The following SCUBE3 variants were observed in gnomAD, a reference collection of about 807,000 sequenced individuals.
The protein encoded by SCUBE3 is signal peptide, CUB domain and EGF like domain containing 3, also known as signal peptide, CUB and EGF-like domain-containing protein 3.
SCUBE3 carries 33 observed loss-of-function variants against 116.8 expected under a neutral mutation model. The observed-to-expected ratio is 0.28, with a 90% CI of 0.21 to 0.38. The LOEUF (loss-of-function observed/expected upper bound fraction) is 0.38. Ranked by LOEUF, SCUBE3 falls within the 10% of genes least tolerant of loss-of-function variation. The probability of loss-of-function intolerance (pLI) is 1.00; values close to 1 mark genes in which losing one functional copy is unlikely to be tolerated. For synonymous variants in SCUBE3, 418 were observed against 496.9 expected (o/e 0.84, Z 2.11); for missense variants, 1,007 against 1,324.8 (o/e 0.76, Z 3.72).
In SCUBE3 at chr6:35,214,427, G is replaced by C. The variant is rs1313706133; in HGVS notation, c.9G>C (p.Ser3=). MG[S]GRVPGLCLLV... ...CGCCAGTAGCTCCAGCCATGGGCTC[G>C]GGGCGCGTACCCGGGCTCTGCCTGC... The change falls in exon 1 of 22, where the codon TCG becomes TCC. Residue 3 remains serine, a synonymous_variant. Transcript: ENST00000274938. This position sits in a 1 kb window ranked among gnomAD's most constrained non-coding sequence, Gnocchi z 6.3. 1 of 1,469,392 alleles carries C rather than the reference G, an allele frequency of 6.8e-7. No homozygotes were observed. The highest frequency in any genetic ancestry group is 2.9e-5 in the East Asian group (1 of 34,012). 91.0% of individuals were successfully genotyped at this position (1,469,392 alleles called of 1,614,324 possible). A position where few individuals can be genotyped will look rare whatever the true frequency, so the allele number is the denominator to read the frequency against.
rs1784233154 is a variant in SCUBE3 at position 35,244,289 on chromosome 6, C to T, written c.2239+159C>T. The stretch of plus-strand genomic sequence containing the variant: ...ATACCATCCTGCTTCCAGGACCCAC[C>T]CTGCCCCTCCACTAGTCCCAAGCTT... On this transcript the variant is annotated intron_variant, in intron 17 of 21. Transcript: ENST00000274938. This position sits in a 1 kb window ranked among gnomAD's most constrained non-coding sequence, Gnocchi z 4.3. Among the ~76,000 whole-genome samples the T allele has an allele frequency of 6.6e-6, 1 of 152,198 alleles. No individual in the cohort carries two copies. The highest frequency in any genetic ancestry group is 6.5e-5 in the Admixed American group (1 of 15,288).
chr6:35,235,083 G>C lies in SCUBE3; in HGVS notation c.712+1782G>C, dbSNP rs1318686668. ...CAGATTCGGTGGGAAGACTGAGAAG[G>C]CAGTATAGTTTAGCAGAAAGGGCGG... On this transcript the variant is annotated intron_variant, in intron 6 of 21. Coordinates refer to ENST00000274938, the MANE Select transcript of SCUBE3 (RefSeq NM_152753.4). This position sits in a 1 kb window ranked among gnomAD's most constrained non-coding sequence, Gnocchi z 4.5. 1.3e-5 allele frequency among the ~76,000 whole-genome samples: 2 copies of C among 152,204 alleles called. No homozygotes were observed. The highest frequency in any genetic ancestry group is 4.8e-5 in the African/African-American group (2 of 41,448).
At chr6:35,246,747 G>T (rs563278649) in intron 21 of SCUBE3, among the ~76,000 whole-genome samples, 3 of 152,322 alleles carry the variant, frequency 2.0e-5, no homozygotes, top group African/African-American at 7.2e-5. Context: ...AGGCCGAGGC[G>T]GGTGGATCAC....
Position 35,245,792 on chromosome 6 carries a change from G to T in SCUBE3, c.2600-152G>T, listed in dbSNP as rs1039945605. 35 of 802,696 alleles carry T rather than the reference G, an allele frequency of 4.4e-5. No individual in the cohort carries two copies. Among genetic ancestry groups the T allele is most frequent in the Non-Finnish European group, 6.3e-5 (31 of 491,380 alleles). The allele number at this position is 802,696 out of a possible 1,614,324, so 49.7% of individuals were successfully genotyped here. A position where few individuals can be genotyped will look rare whatever the true frequency, so the allele number is the denominator to read the frequency against. On this transcript the variant is annotated intron_variant, in intron 19 of 21. Transcript: ENST00000274938. The surrounding 1 kb of genome is among the most constrained non-coding windows in gnomAD (Gnocchi z 4.2). ...TGAGCCCAGTGGGCAATGGGAGAGG[G>T]TGTGGGGTAGGGTGTGTGTATGCGA...
In SCUBE3 at chr6:35,232,871, A is replaced by G; in HGVS notation, c.491A>G (p.Lys164Arg). ...RPEEGMNCMN[K>R]NHGCAHICRE... ...TTAGAAGGAATGAATTGCATGAACA[A>G]GAACCACGGCTGTGCCCACATTTGC... is the stretch of plus-strand genomic sequence containing the variant. The change falls in exon 5 of 22, where the codon AAG becomes AGG. Residue 164 changes from lysine to arginine, a missense_variant. Physicochemically the swap from Lys to Arg is conservative, Grantham distance 26. Around this residue, in one of 5 missense-constraint regions of SCUBE3, gnomAD observed 214 missense variants for 316.7 expected, o/e 0.68. Coordinates refer to ENST00000274938, the MANE Select transcript of SCUBE3 (RefSeq NM_152753.4). The surrounding 1 kb of genome is among the most constrained non-coding windows in gnomAD (Gnocchi z 4.2). 1 of 1,614,182 alleles carries G rather than the reference A, an allele frequency of 6.2e-7. No individual in the cohort carries two copies. Among genetic ancestry groups the G allele is most frequent in the Non-Finnish European group, 8.5e-7 (1 of 1,180,002 alleles).
intron 6 of SCUBE3, among the ~76,000 whole-genome samples, chr6:35,237,435 C>A (rs183990402): frequency 6.6e-6 from 1 of 152,250 alleles, no homozygotes; most frequent in East Asian, 1.9e-4. Flanking sequence ...CTCATTCTTT[C>A]CAATCCACTT....
intron 21 of SCUBE3, among the ~76,000 whole-genome samples, chr6:35,247,252 T>G (rs1293773899): frequency 6.6e-6 from 1 of 151,790 alleles, no homozygotes; most frequent in Non-Finnish European, 1.5e-5. Context: ...CTGGCCAACA[T>G]AGTGAAACCC....
intron 7 of SCUBE3, 61 bp downstream of exon 7, chr6:35,238,079 A>C: frequency 1.0e-6 from 1 of 958,276 alleles, no homozygotes; most frequent in Non-Finnish European, 1.7e-6. Context: ...GGTTGGGACC[A>C]GAGATAGGGT....
rs190979096 is a variant in SCUBE3, at chr6:35,237,683, C to T, written c.713-219C>T. On this transcript the variant is annotated intron_variant, in intron 6 of 21. Transcript: ENST00000274938. ...CACCTTGTTTCAATCAAGTAGGGGG[C>T]AGGGAAGTGGACTGCTTGGCTGTAC... 2.5e-3 allele frequency among the ~76,000 whole-genome samples: 378 copies of T among 152,206 alleles called. 7 individuals are homozygous for T. Among genetic ancestry groups the T allele is most frequent in the Admixed American group, 2.6e-3 (40 of 15,290 alleles).
intron 13 of SCUBE3, 32 bp from the exon 14 acceptor site, chr6:35,242,590 T>TG: frequency 6.3e-7 from 1 of 1,588,018 alleles, no homozygotes; most frequent in Non-Finnish European, 8.6e-7. Flanking sequence ...TTCCAGGGGA[T>TG]GTCCCTGGGG....
rs1375001180 is a variant in SCUBE3, at chr6:35,245,452, G to A, written c.2599+27G>A. ...TGGGTGGCTTGCAGAGCTGGGCCAG[G>A]GAAGGGCAGTCCAAATCTGGTTAAG... On this transcript the variant is annotated intron_variant, in intron 19 of 21. Coordinates refer to ENST00000274938, the MANE Select transcript of SCUBE3 (RefSeq NM_152753.4). This position sits in a 1 kb window ranked among gnomAD's most constrained non-coding sequence, Gnocchi z 4.2. The A allele has an allele frequency of 2.5e-6, 4 of 1,593,038 alleles. No individual in the cohort carries two copies. Among genetic ancestry groups the A allele is most frequent in the Non-Finnish European group, 3.4e-6 (4 of 1,160,930 alleles).
chr6:35,227,433 G>A, intron 1 of SCUBE3, 147 bp from the exon 2 acceptor site: 1 of 758,660 alleles, frequency 1.3e-6, no homozygotes, highest in Admixed American at 2.4e-5. Context: ...TCTGAAATCA[G>A]AGAGATGTGA....
Position 35,228,787 on chromosome 6 carries a change from G to T in SCUBE3, c.334+48G>T. 6.3e-7 allele frequency: 1 copy of T among 1,594,588 alleles called. No individual in the cohort carries two copies. Among genetic ancestry groups the T allele is most frequent in the Admixed American group, 1.7e-5 (1 of 59,928 alleles). The stretch of plus-strand genomic sequence containing the variant: ...GGTGGAGGGATGTCTTGTGGAGAAA[G>T]AGATCTTTTCAGCATTTCCTATTTC... On this transcript the variant is annotated intron_variant, in intron 3 of 21. Transcript: ENST00000274938. This position sits in a 1 kb window ranked among gnomAD's most constrained non-coding sequence, Gnocchi z 4.9.
intron 3 of SCUBE3, among the ~76,000 whole-genome samples, chr6:35,230,465 G>A (rs1780183961): frequency 6.6e-6 from 1 of 152,198 alleles, no homozygotes; most frequent in Non-Finnish European, 1.5e-5. Flanking sequence ...TTTTGAGAAA[G>A]TTGTCCATGC....
rs1487555851 is a variant in SCUBE3, at chr6:35,228,141, A to G, written c.208+439A>G. On this transcript the variant is annotated intron_variant, in intron 2 of 21. Coordinates refer to ENST00000274938, the MANE Select transcript of SCUBE3 (RefSeq NM_152753.4). This position sits in a 1 kb window ranked among gnomAD's most constrained non-coding sequence, Gnocchi z 4.9. ...AAAGTAGCCTTGAGATATTAAATTT[A>G]TGAGCTTCAGTGTTGGTGAGACTTT... 1.3e-5 allele frequency among the ~76,000 whole-genome samples: 2 copies of G among 152,254 alleles called. No homozygotes were observed. Among genetic ancestry groups the G allele is most frequent in the Non-Finnish European group, 2.9e-5 (2 of 68,034 alleles).
rs552313590 is a variant in SCUBE3, at chr6:35,214,787, G to A, written c.85+284G>A. Among the ~76,000 whole-genome samples, 2 of 152,320 alleles carry A rather than the reference G, an allele frequency of 1.3e-5. No homozygotes were observed. Among genetic ancestry groups the A allele is most frequent in the South Asian group, 4.1e-4 (2 of 4,826 alleles). ...TTCCGCTCGACTTCATCCACTCCCA[G>A]CATCTTCGAAAGACTTCTTGTCTTC... is the stretch of plus-strand genomic sequence containing the variant. On this transcript the variant is annotated intron_variant, in intron 1 of 21. Coordinates refer to ENST00000274938, the MANE Select transcript of SCUBE3 (RefSeq NM_152753.4). The surrounding 1 kb of genome is among the most constrained non-coding windows in gnomAD (Gnocchi z 6.3).
At chr6:35,229,643 A>G (rs1450447664) in intron 3 of SCUBE3, among the ~76,000 whole-genome samples, 2 of 152,018 alleles carry the variant, frequency 1.3e-5, no homozygotes, top group African/African-American at 4.8e-5. Flanking sequence ...CCCTCTCCTC[A>G]CTGATCTCCT....
intron 6 of SCUBE3, among the ~76,000 whole-genome samples, chr6:35,234,808 C>T (rs1783692016): frequency 6.6e-6 from 1 of 152,226 alleles, no homozygotes; most frequent in Non-Finnish European, 1.5e-5. Flanking sequence ...CTTCTGAAAA[C>T]ACCCTTACTG....
chr6:35,219,678 G>T lies in SCUBE3; in HGVS notation c.85+5175G>T, dbSNP rs763711124. On this transcript the variant is annotated intron_variant, in intron 1 of 21. Coordinates refer to ENST00000274938, the MANE Select transcript of SCUBE3 (RefSeq NM_152753.4). This position sits in a 1 kb window ranked among gnomAD's most constrained non-coding sequence, Gnocchi z 4.7. The stretch of plus-strand genomic sequence containing the variant: ...TAAGGAATCCCTCTGAAAGTGGGGA[G>T]TATCAGGATATGTGGGCATTGGGGG... Among the ~76,000 whole-genome samples the T allele has an allele frequency of 6.6e-5, 10 of 152,080 alleles. No homozygotes were observed. Among genetic ancestry groups the T allele is most frequent in the Non-Finnish European group, 1.3e-4 (9 of 68,008 alleles).
Sources: gnomAD v4.1 joint callset for allele counts (sites outside exome capture counted in the v4.1 genomes callset) on GRCh38, gnomAD v4.1.1 for gene constraint, gnomAD v4.1.1 regional missense constraint, Gnocchi (gnomAD v3.1) non-coding constraint, MANE v1.5 for transcripts, NCBI Gene and HGNC (gene_info 2026-07-23, HGNC 2026-07-21) for gene names.